Variants in ATP11C observed in about 807,000 individuals in gnomAD.
ATP11C encodes phospholipid-transporting ATPase IG.
A neutral mutation model predicts 97.4 loss-of-function variants in ATP11C; 36 were observed. The observed-to-expected ratio is 0.37, with a 90% CI of 0.28 to 0.49. The LOEUF (loss-of-function observed/expected upper bound fraction) is 0.49, where lower values mean the gene tolerates loss of function less well. Among genes scored for constraint, ATP11C ranks in the 20% least tolerant of loss-of-function variants. The pLI, the probability that ATP11C is intolerant of heterozygous loss-of-function variation, is 0.98. For missense variants in ATP11C, 730 were observed against 824.6 expected (o/e 0.89, Z 1.40); for synonymous variants, 275 against 290.9 (o/e 0.95, Z 0.56).
chrX:139,820,191 C>T (rs1346034680), intron 2 of ATP11C, among the ~76,000 whole-genome samples: 1 of 92,029 alleles, frequency 1.1e-5, no homozygotes, highest in East Asian at 3.6e-4. Context: ...GACTCCGTCG[C>T]CAAAAAAAAA....
At chrX:139,867,938 G>A (rs2084311690) in intron 1 of ATP11C, among the ~76,000 whole-genome samples, 1 of 111,664 alleles carries the variant, frequency 9.0e-6, no homozygotes, top group Admixed American at 9.5e-5. Context: ...AAGAGGAGAA[G>A]GAGTTAAGAG....
chrX:139,805,056 G>T (rs2083011868), intron 5 of ATP11C, among the ~76,000 whole-genome samples: 1 of 111,556 alleles, frequency 9.0e-6, no homozygotes, highest in Non-Finnish European at 1.9e-5. Context: ...TGGGTGCCAG[G>T]TCCTTCTTCA....
intron 24 of ATP11C, among the ~76,000 whole-genome samples, chrX:139,746,139 T>C (rs989610376): frequency 2.7e-5 from 3 of 111,702 alleles, no homozygotes; most frequent in African/African-American, 6.5e-5. Flanking sequence ...ATGGTACTTA[T>C]ATACCAGGAA....
At chrX:139,742,879 AT>A (rs2081595523) in intron 26 of ATP11C, among the ~76,000 whole-genome samples, 3 of 7,651 alleles carry the variant, frequency 3.9e-4, no homozygotes, top group African/African-American at 7.9e-4. Context: ...AAAAAAAAAT[AT>A]ATATATATAT....
At chrX:139,741,567 G>A (rs1394327468) in intron 26 of ATP11C, among the ~76,000 whole-genome samples, 2 of 111,444 alleles carry the variant, frequency 1.8e-5, no homozygotes, top group African/African-American at 6.5e-5. Context: ...TGTCGTGAAA[G>A]CTCAAACACA....
intron 22 of ATP11C, among the ~76,000 whole-genome samples, chrX:139,759,503 G>A (rs1263854906): frequency 9.0e-6 from 1 of 111,090 alleles, no homozygotes; most frequent in Non-Finnish European, 1.9e-5. Flanking sequence ...AGGTTCTAAG[G>A]GACAAGTTGA....
intron 1 of ATP11C, among the ~76,000 whole-genome samples, chrX:139,867,608 C>A (rs2084306914): frequency 9.0e-6 from 1 of 111,700 alleles, no homozygotes; most frequent in Non-Finnish European, 1.9e-5. Context: ...AGTGCCTAAG[C>A]CCAAACTCAG....
intron 24 of ATP11C, among the ~76,000 whole-genome samples, chrX:139,747,858 C>A (rs2081725437): frequency 8.9e-6 from 1 of 111,898 alleles, no homozygotes; most frequent in African/African-American, 3.2e-5. Context: ...CTTGTCAGAG[C>A]AGGCATTCAC....
chrX:139,934,283 A>G (rs966620990), upstream of ATP11C, among the ~76,000 whole-genome samples: 11 of 111,698 alleles, frequency 9.8e-5, no homozygotes, highest in Non-Finnish European at 2.1e-4. Flanking sequence ...ATCTCCCAAT[A>G]AAATGCAAAT....
At chrX:139,818,186 A>C (rs756774843) in intron 3 of ATP11C, among the ~76,000 whole-genome samples, 1 of 111,995 alleles carries the variant, frequency 8.9e-6, no homozygotes, top group South Asian at 3.8e-4. Context: ...GGGTAGAAAA[A>C]AATGATAACT....
chrX:139,752,333 G>A (rs965414544), intron 23 of ATP11C, among the ~76,000 whole-genome samples: 2 of 111,949 alleles, frequency 1.8e-5, no homozygotes. Flanking sequence ...GGGCAAGGAA[G>A]TTTATTTTGA....
intron 3 of ATP11C, among the ~76,000 whole-genome samples, chrX:139,817,181 T>C (rs1000409164): frequency 8.9e-6 from 1 of 112,312 alleles, no homozygotes; most frequent in Non-Finnish European, 1.9e-5. Flanking sequence ...TTGAAATATA[T>C]CCATTCACTT....
chrX:139,758,682 T>A (rs766643097), intron 22 of ATP11C, among the ~76,000 whole-genome samples: 28 of 112,188 alleles, frequency 2.5e-4, no homozygotes, highest in South Asian at 7.4e-4. Context: ...AGCACGAGAA[T>A]TTTCAAATAA....
intron 26 of ATP11C, among the ~76,000 whole-genome samples, chrX:139,742,103 C>A (rs1343027315): frequency 1.8e-5 from 2 of 111,554 alleles, no homozygotes; most frequent in East Asian, 5.7e-4. Flanking sequence ...TTGAAAAACA[C>A]TGTGAAGGCC....
intron 1 of ATP11C, among the ~76,000 whole-genome samples, chrX:139,903,002 C>T (rs2084921113): frequency 8.9e-6 from 1 of 111,916 alleles, no homozygotes; most frequent in African/African-American, 3.3e-5. Context: ...TCCCAGATGC[C>T]TGAAAGGGTA....
chrX:139,738,115 G>A, intron 27 of ATP11C, 46 bp from the exon 28 acceptor site: 1 of 1,054,206 alleles, frequency 9.5e-7, no homozygotes, highest in Non-Finnish European at 1.3e-6. Flanking sequence ...ATCAATTCCT[G>A]TCATATGAAA....
At chrX:139,893,008 A>C (rs759458880) in intron 1 of ATP11C, among the ~76,000 whole-genome samples, 1 of 111,909 alleles carries the variant, frequency 8.9e-6, no homozygotes, top group African/African-American at 3.2e-5. Flanking sequence ...AGGAATATGG[A>C]ATCCAGTATA....
rs745327331 is a variant in ATP11C at position 139,752,886 on chromosome X, C to T, written c.2701-2734G>A. Reference sequence around the variant, plus strand: ...TTAATTTATAATGAAAGATTATCTGCTTAACTGGCACTACTGGGCTAATGA... The same window carrying T: ...TTAATTTATAATGAAAGATTATCTGTTTAACTGGCACTACTGGGCTAATGA... On this transcript the variant is annotated intron_variant, in intron 23 of 29. Coordinates refer to ENST00000682941, the MANE Select transcript of ATP11C (RefSeq NM_001353812.2). 4.5e-5 allele frequency among the ~76,000 whole-genome samples: 5 copies of T among 111,978 alleles called. No homozygotes were observed. In the East Asian group the frequency reaches 1.1e-3, roughly 25 times the overall value.
At chrX:139,805,039 G>A (rs2083011277) in intron 5 of ATP11C, among the ~76,000 whole-genome samples, 1 of 111,799 alleles carries the variant, frequency 8.9e-6, no homozygotes, top group Non-Finnish European at 1.9e-5. Flanking sequence ...GGTAACAACT[G>A]TGTTGTTGGG....
Sources: allele counts gnomAD v4.1 joint callset (sites outside exome capture counted in the v4.1 genomes callset), GRCh38; gene constraint gnomAD v4.1.1; transcripts MANE v1.5; gene names NCBI Gene and HGNC (gene_info 2026-07-23, HGNC 2026-07-21).